The following EXT1 variants were observed in gnomAD, a reference collection of about 807,000 sequenced individuals.
EXT1 encodes the protein exostosin glycosyltransferase 1.
Under a neutral mutation model 82.5 loss-of-function variants are expected in EXT1, and 20 were observed. The observed-to-expected ratio is 0.24, with a 90% CI of 0.17 to 0.35. The LOEUF (loss-of-function observed/expected upper bound fraction) is 0.35, where lower values mean the gene tolerates loss of function less well. Ranked by LOEUF, EXT1 falls within the 10% of genes least tolerant of loss-of-function variation. The probability of loss-of-function intolerance (pLI) is 1.00; values close to 1 mark genes in which losing one functional copy is unlikely to be tolerated. For missense variants in EXT1, 757 were observed against 936.5 expected (o/e 0.81, Z 2.50); for synonymous variants, 348 against 350.8 (o/e 0.99, Z 0.09).
chr8:117,850,262 G>A (rs1032645570), intron 1 of EXT1, among the ~76,000 whole-genome samples: 6 of 152,184 alleles, frequency 3.9e-5, no homozygotes, highest in African/African-American at 9.7e-5. Flanking sequence ...TTGTTGAGTC[G>A]TTGACAGCTC....
At chr8:118,064,767 A>G (rs543548583) in intron 1 of EXT1, among the ~76,000 whole-genome samples, 1 of 152,108 alleles carries the variant, frequency 6.6e-6, no homozygotes, top group African/African-American at 2.4e-5. Flanking sequence ...GTCTTCCACA[A>G]TGGTTGAACT....
At chr8:117,869,038 C>T (rs1812823690) in intron 1 of EXT1, among the ~76,000 whole-genome samples, 1 of 152,250 alleles carries the variant, frequency 6.6e-6, no homozygotes, top group South Asian at 2.1e-4. Flanking sequence ...TTTTGCACAA[C>T]TCTATGTTCC....
intron 1 of EXT1, among the ~76,000 whole-genome samples, chr8:118,043,929 G>A (rs955504460): frequency 1.3e-5 from 2 of 152,164 alleles, no homozygotes; most frequent in Admixed American, 6.5e-5. Flanking sequence ...TATTGGCCAC[G>A]TGGAGCTTTC....
intron 1 of EXT1, among the ~76,000 whole-genome samples, chr8:118,094,453 A>G (rs1563654111): frequency 6.6e-6 from 1 of 152,246 alleles, no homozygotes; most frequent in East Asian, 1.9e-4. Flanking sequence ...ATGAAATTAA[A>G]ACCATGATAA....
At chr8:118,053,212 A>T (rs1439733278) in intron 1 of EXT1, among the ~76,000 whole-genome samples, 2 of 152,162 alleles carry the variant, frequency 1.3e-5, no homozygotes, top group Non-Finnish European at 2.9e-5. Flanking sequence ...AGTGTCACTG[A>T]AAAGTCCCAT....
chr8:117,818,715 C>A (rs1811870718), intron 6 of EXT1, among the ~76,000 whole-genome samples, 185 bp from the exon 7 acceptor site: 1 of 152,084 alleles, frequency 6.6e-6, no homozygotes, highest in African/African-American at 2.4e-5. Flanking sequence ...AACATTATCA[C>A]CCCAACAACT....
chr8:117,897,633 C>T (rs1263547978), intron 1 of EXT1, among the ~76,000 whole-genome samples: 2 of 120,654 alleles, frequency 1.7e-5, no homozygotes, highest in Non-Finnish European at 3.2e-5. Flanking sequence ...CTCGCTCTGT[C>T]GACCAGGCTG....
At chr8:117,859,721 G>C (rs528367260) in intron 1 of EXT1, among the ~76,000 whole-genome samples, 18 of 152,302 alleles carry the variant, frequency 1.2e-4, no homozygotes, top group Non-Finnish European at 1.6e-4. Context: ...CATATATTTT[G>C]ATTATATGCA....
intron 1 of EXT1, among the ~76,000 whole-genome samples, chr8:117,996,175 T>G (rs980135375): frequency 6.6e-6 from 1 of 152,062 alleles, no homozygotes; most frequent in African/African-American, 2.4e-5. Flanking sequence ...AGCCACCATA[T>G]GAGGAGGAAC....
intron 1 of EXT1, among the ~76,000 whole-genome samples, chr8:117,867,885 C>A (rs1458874191): frequency 1.3e-5 from 2 of 152,164 alleles, no homozygotes; most frequent in African/African-American, 2.4e-5. Context: ...TTTAATTCAA[C>A]CCCCGGTTCT....
At chr8:117,849,761 A>G (rs1405169846) in intron 1 of EXT1, among the ~76,000 whole-genome samples, 2 of 152,248 alleles carry the variant, frequency 1.3e-5, no homozygotes, top group African/African-American at 4.8e-5. Flanking sequence ...ATTTATGAAT[A>G]TTAGAAAGGA....
At chr8:118,011,453 T>C (rs1054609318) in intron 1 of EXT1, among the ~76,000 whole-genome samples, 3 of 152,202 alleles carry the variant, frequency 2.0e-5, no homozygotes, top group Non-Finnish European at 4.4e-5. Flanking sequence ...CATTTTCCAT[T>C]ACCATATTAG....
In EXT1 at chr8:117,968,816, G is replaced by A. The variant is rs1393601571; in HGVS notation, c.963-131615C>T. On this transcript the variant is annotated intron_variant, in intron 1 of 10. Coordinates refer to ENST00000378204, the MANE Select transcript of EXT1 (RefSeq NM_000127.3). ...GATCTCCTGACCTTGTGATCCGCCC[G>A]CCTCGGCCTCCCAAAGTGCTGGGAT... Among the ~76,000 whole-genome samples, 2 of 64,412 alleles carry A rather than the reference G, an allele frequency of 3.1e-5. 1 individual carries two copies. The highest frequency in any genetic ancestry group is 5.1e-4 in the African/African-American group (2 of 3,902). 42.3% of individuals were successfully genotyped at this position (64,412 alleles called of 152,430 possible). A position where few individuals can be genotyped will look rare whatever the true frequency, so the allele number is the denominator to read the frequency against.
At chr8:117,819,868 C>T (rs1469876085) in intron 5 of EXT1, 74 bp from the exon 6 acceptor site, 26 of 1,363,330 alleles carry the variant, frequency 1.9e-5, no homozygotes, top group African/African-American at 2.9e-5. Flanking sequence ...CTCCTTGCTC[C>T]GCTGCCTCAT....
chr8:118,111,105 A>C lies in EXT1; in HGVS notation c.-59T>G. Reference sequence around the variant, plus strand: ...ACACAAGAATCACCCAAGTTTCCCAATCAACACTTTCAGCTCCAGTCCGCC... The same window carrying C: ...ACACAAGAATCACCCAAGTTTCCCACTCAACACTTTCAGCTCCAGTCCGCC... On this transcript the variant is annotated 5_prime_UTR_variant, in exon 1 of 11. Transcript: ENST00000378204. The C allele has an allele frequency of 6.5e-7, 1 of 1,539,050 alleles. No homozygotes were observed. The highest frequency in any genetic ancestry group is 8.7e-7 in the Non-Finnish European group (1 of 1,148,262).
intron 1 of EXT1, among the ~76,000 whole-genome samples, chr8:117,840,285 C>A (rs1812253725): frequency 6.6e-6 from 1 of 152,042 alleles, no homozygotes. Context: ...TCCATCCCCC[C>A]AGGTCCCATC....
At chr8:118,055,298 T>C (rs747908826) in intron 1 of EXT1, among the ~76,000 whole-genome samples, 17 of 152,350 alleles carry the variant, frequency 1.1e-4, no homozygotes, top group Non-Finnish European at 1.8e-4. Context: ...ATCATCCATG[T>C]CAGCATGTAT....
intron 1 of EXT1, among the ~76,000 whole-genome samples, chr8:117,910,356 A>C (rs1486857664): frequency 2.0e-5 from 3 of 152,144 alleles, no homozygotes; most frequent in Admixed American, 6.5e-5. Flanking sequence ...ATACTGACAT[A>C]TCTGTCTCCT....
At chr8:118,040,832 C>T (rs1816515355) in intron 1 of EXT1, among the ~76,000 whole-genome samples, 2 of 152,166 alleles carry the variant, frequency 1.3e-5, no homozygotes, top group South Asian at 4.1e-4. Context: ...AGCAATTGTT[C>T]ACGTCAGTTC....
Sources: gnomAD v4.1 joint callset for allele counts (sites outside exome capture counted in the v4.1 genomes callset) on GRCh38, gnomAD v4.1.1 for gene constraint, MANE v1.5 for transcripts, NCBI Gene and HGNC (gene_info 2026-07-23, HGNC 2026-07-21) for gene names.